The following NRG1 variants were observed in gnomAD, a reference collection of about 807,000 sequenced individuals.
The protein encoded by NRG1 is pro-neuregulin-1, membrane-bound isoform.
Under a neutral mutation model 63.8 loss-of-function variants are expected in NRG1, and 18 were observed. The observed-to-expected ratio is 0.28, with a 90% CI of 0.19 to 0.42. The LOEUF is 0.42. NRG1 is among the 10% of genes least tolerant of loss of function. The pLI, the probability that NRG1 is intolerant of heterozygous loss-of-function variation, is 1.00. For missense variants in NRG1, 762 were observed against 814.7 expected (o/e 0.94, Z 0.79); for synonymous variants, 302 against 301.3 (o/e 1.00, Z -0.02).
chr8:32,242,615 T>C (rs867475645), intron 1 of NRG1, among the ~76,000 whole-genome samples: 5 of 152,176 alleles, frequency 3.3e-5, no homozygotes, highest in African/African-American at 1.2e-4. Context: ...TATTTGTTGA[T>C]CATATTAAAA....
intron 1 of NRG1, among the ~76,000 whole-genome samples, chr8:32,412,941 C>G (rs987031951): frequency 1.3e-5 from 2 of 152,074 alleles, no homozygotes; most frequent in Admixed American, 1.3e-4. Flanking sequence ...GATTATCAAC[C>G]TAACTTTAAA....
intron 1 of NRG1, among the ~76,000 whole-genome samples, chr8:32,233,166 A>G (rs4559205): frequency 0.48 from 72,417 of 151,704 alleles, 19,154 homozygotes; most frequent in Admixed American, 0.63. Flanking sequence ...CAGTGGTGCA[A>G]TTATGGCTCA....
chr8:32,620,521 G>GAAAAAA (rs57462564), intron 5 of NRG1, among the ~76,000 whole-genome samples: 4 of 122,206 alleles, frequency 3.3e-5, no homozygotes. Flanking sequence ...TGGATTAGAA[G>GAAAAAA]AAAAAAAAAA....
chr8:32,395,850 G>A (rs1205062416), intron 1 of NRG1, among the ~76,000 whole-genome samples: 1 of 152,026 alleles, frequency 6.6e-6, no homozygotes, highest in Non-Finnish European at 1.5e-5. Flanking sequence ...TTCTAGGCAT[G>A]TTATGGTTTT....
At chr8:32,521,391 G>A (rs1830329013) in intron 1 of NRG1, among the ~76,000 whole-genome samples, 1 of 152,122 alleles carries the variant, frequency 6.6e-6, no homozygotes, top group African/African-American at 2.4e-5. Context: ...TGAAAATTAA[G>A]GTAATCAAGG....
chr8:31,983,934 G>A (rs530902217), intron 1 of NRG1, among the ~76,000 whole-genome samples: 68 of 152,166 alleles, frequency 4.5e-4, no homozygotes, highest in African/African-American at 1.5e-3. Flanking sequence ...AAGACCAAAG[G>A]GGAAAGAGAG....
chr8:32,545,733 T>C (rs1317561565), upstream of NRG1, among the ~76,000 whole-genome samples: 1 of 152,142 alleles, frequency 6.6e-6, no homozygotes. Flanking sequence ...TTAAATAACA[T>C]AAAGACCTAA....
At chr8:32,409,668 C>A (rs1373953461) in intron 1 of NRG1, among the ~76,000 whole-genome samples, 1 of 152,162 alleles carries the variant, frequency 6.6e-6, no homozygotes, top group African/African-American at 2.4e-5. Flanking sequence ...GGAAAGTGAA[C>A]AGAGCAGGTA....
chr8:31,680,214 A>T (rs1808175710), intron 1 of NRG1, among the ~76,000 whole-genome samples: 2 of 151,896 alleles, frequency 1.3e-5, no homozygotes, highest in African/African-American at 4.8e-5. Context: ...ATATGTATAC[A>T]TGTGCCATGC....
At chr8:32,477,978 A>G (rs1375490278) in intron 1 of NRG1, among the ~76,000 whole-genome samples, 2 of 152,242 alleles carry the variant, frequency 1.3e-5, no homozygotes, top group Non-Finnish European at 2.9e-5. Flanking sequence ...TCCATCTGTA[A>G]CAGAATGCAT....
At chr8:32,137,809 G>A (rs1306624181) in intron 1 of NRG1, among the ~76,000 whole-genome samples, 4 of 152,102 alleles carry the variant, frequency 2.6e-5, no homozygotes, top group African/African-American at 4.8e-5. Context: ...GAGTCTATGC[G>A]CTGCTGCAGG....
chr8:32,135,995 T>G (rs1416370462), intron 1 of NRG1, among the ~76,000 whole-genome samples: 1 of 152,032 alleles, frequency 6.6e-6, no homozygotes, highest in African/African-American at 2.4e-5. Context: ...TTGACAGTCA[T>G]TTAGGAAGGT....
chr8:32,379,540 G>T (rs1377223748), intron 1 of NRG1, among the ~76,000 whole-genome samples: 1 of 152,142 alleles, frequency 6.6e-6, no homozygotes, highest in African/African-American at 2.4e-5. Context: ...CCTCTGGTAG[G>T]GGTAATTGCA....
chr8:31,907,743 T>G (rs1832645239), intron 1 of NRG1, among the ~76,000 whole-genome samples: 1 of 152,152 alleles, frequency 6.6e-6, no homozygotes, highest in African/African-American at 2.4e-5. Context: ...ACGAAAATTA[T>G]TAAACTCAAT....
chr8:32,705,066 T>C (rs149031992), intron 5 of NRG1, among the ~76,000 whole-genome samples: 1 of 152,352 alleles, frequency 6.6e-6, no homozygotes, highest in Middle Eastern at 3.4e-3. Context: ...ACTTGAATTT[T>C]TAAAACTATA....
chr8:32,051,731 C>T (rs1010558836), intron 1 of NRG1, among the ~76,000 whole-genome samples: 1 of 151,956 alleles, frequency 6.6e-6, no homozygotes, highest in African/African-American at 2.4e-5. Context: ...TCAAGTATTC[C>T]TGGGCCACAA....
chr8:32,773,570 T>C (rs935075067), intron 7 of NRG1, among the ~76,000 whole-genome samples: 3 of 152,180 alleles, frequency 2.0e-5, no homozygotes, highest in Admixed American at 6.5e-5. Context: ...CAATGGTGAT[T>C]GTACCACTGA....
intron 1 of NRG1, among the ~76,000 whole-genome samples, chr8:32,019,702 A>C (rs1257574820): frequency 6.6e-6 from 1 of 152,196 alleles, no homozygotes; most frequent in Admixed American, 6.5e-5. Context: ...TTTACTTTTA[A>C]TTATGATATG....
At chr8:32,110,436 A>G (rs1197478444) in intron 1 of NRG1, among the ~76,000 whole-genome samples, 1 of 152,190 alleles carries the variant, frequency 6.6e-6, no homozygotes, top group African/African-American at 2.4e-5. Flanking sequence ...GAAAGAACAC[A>G]GTGAGTAATT....
Sources: allele counts gnomAD v4.1 joint callset (sites outside exome capture counted in the v4.1 genomes callset), GRCh38; gene constraint gnomAD v4.1.1; transcripts MANE v1.5; gene names NCBI Gene and HGNC (gene_info 2026-07-23, HGNC 2026-07-21).